RARB: variants seen among roughly 807,000 people sequenced by gnomAD.
The protein encoded by RARB is HBV-activated protein.
RARB carries 17 observed loss-of-function variants against 51.9 expected under a neutral mutation model. That is an observed-to-expected ratio of 0.33 (90% CI 0.22 to 0.49). The LOEUF (loss-of-function observed/expected upper bound fraction) is 0.49. Among genes scored for constraint, RARB ranks in the 20% least tolerant of loss-of-function variants. The pLI is 0.99. For missense variants in RARB, 369 were observed against 550.8 expected (o/e 0.67, Z 3.30); for synonymous variants, 215 against 195.4 (o/e 1.10, Z -0.84).
intron 2 of RARB, among the ~76,000 whole-genome samples, chr3:24,879,979 A>G (rs1703126812): frequency 7.4e-6 from 1 of 134,338 alleles, no homozygotes; most frequent in African/African-American, 3.0e-5. Context: ...CAAAGTCACG[A>G]AAACTGAAGC....
intron 1 of RARB, among the ~76,000 whole-genome samples, chr3:24,846,394 C>G (rs1702486209): frequency 6.6e-6 from 1 of 152,140 alleles, no homozygotes; most frequent in African/African-American, 2.4e-5. Context: ...TCCAGGAGAA[C>G]TGGTATCCAG....
intron 5 of RARB, among the ~76,000 whole-genome samples, chr3:25,325,738 T>A (rs17016205): frequency 0.04 from 5,907 of 149,348 alleles, 157 homozygotes; most frequent in Middle Eastern, 0.066. Context: ...TTTTTCCTGG[T>A]CATGGCCACT....
At chr3:25,319,877 G>A (rs1219135314) in intron 5 of RARB, among the ~76,000 whole-genome samples, 3 of 152,102 alleles carry the variant, frequency 2.0e-5, no homozygotes, top group Non-Finnish European at 4.4e-5. Flanking sequence ...TTGAAAAGGT[G>A]ATCTAGCCTA....
chr3:24,883,665 A>AT (rs888346672), intron 2 of RARB, among the ~76,000 whole-genome samples: 2 of 152,118 alleles, frequency 1.3e-5, no homozygotes, highest in African/African-American at 2.4e-5. Flanking sequence ...TAAGCCTTTC[A>AT]TTCCTGTTAA....
At chr3:25,405,646 A>C (rs145038781) in intron 5 of RARB, among the ~76,000 whole-genome samples, 1 of 152,232 alleles carries the variant, frequency 6.6e-6, no homozygotes, top group Non-Finnish European at 1.5e-5. Context: ...GTGGCAATTT[A>C]AATTTAAATG....
chr3:24,888,485 C>G (rs981004985), intron 2 of RARB, among the ~76,000 whole-genome samples: 14 of 151,312 alleles, frequency 9.3e-5, no homozygotes, highest in Non-Finnish European at 8.8e-5. Flanking sequence ...AGCTTTTATT[C>G]TTAATGATCA....
intron 5 of RARB, among the ~76,000 whole-genome samples, chr3:25,295,606 C>T (rs977143926): frequency 4.6e-5 from 7 of 152,208 alleles, no homozygotes; most frequent in Non-Finnish European, 1.0e-4. Flanking sequence ...GTCCCAGCCT[C>T]ATGACACTTT....
intron 3 of RARB, among the ~76,000 whole-genome samples, chr3:25,067,452 A>G (rs973030930): frequency 7.2e-5 from 11 of 152,218 alleles, no homozygotes; most frequent in African/African-American, 2.7e-4. Context: ...GTGATGCAGG[A>G]AAGAAACCAG....
In RARB at chr3:25,327,053, T is replaced by C. The variant is rs1415990153; in HGVS notation, c.179-134140T>C. Among the ~76,000 whole-genome samples the C allele has an allele frequency of 2.0e-5, 3 of 152,094 alleles. No homozygotes were observed. In the South Asian group the frequency reaches 6.2e-4, roughly 32 times the overall value. ...CCCTTCCTGTGTCCATGTGTTCTCATTGTTCAATTCCCACCTATAAGTGAG... is the reference window on the plus strand; with the variant it reads ...CCCTTCCTGTGTCCATGTGTTCTCACTGTTCAATTCCCACCTATAAGTGAG... On this transcript the variant is annotated intron_variant, in intron 5 of 11. Transcript: ENST00000383772.
chr3:24,987,627 G>T (rs561467060), intron 2 of RARB, among the ~76,000 whole-genome samples: 3 of 152,258 alleles, frequency 2.0e-5, no homozygotes, highest in South Asian at 4.1e-4. Context: ...ACCACTAATG[G>T]CCCGGTTTTA....
intron 2 of RARB, among the ~76,000 whole-genome samples, chr3:24,909,868 T>C (rs935891270): frequency 6.6e-6 from 1 of 152,180 alleles, no homozygotes; most frequent in South Asian, 2.1e-4. Flanking sequence ...TTAGCATAAA[T>C]GTCTATATTT....
chr3:24,889,758 A>G (rs1417492723), intron 2 of RARB, among the ~76,000 whole-genome samples: 1 of 150,536 alleles, frequency 6.6e-6, no homozygotes, highest in Non-Finnish European at 1.5e-5. Context: ...TTTTTAAAGT[A>G]TGTGAGTATG....
rs139267135 is a variant in RARB, at chr3:25,292,207, C to T, written c.178+117632C>T. On this transcript the variant is annotated intron_variant, in intron 5 of 11. Transcript: ENST00000383772. ...AATTAACAAAAATACAAAGACTGTT[C>T]TTCACTGCTGGCGATGCAGCGAGTT... 2.7e-3 allele frequency among the ~76,000 whole-genome samples: 415 copies of T among 152,278 alleles called. 1 individual carries two copies. Among genetic ancestry groups the T allele is most frequent in the African/African-American group, 9.7e-3 (403 of 41,548 alleles).
intron 5 of RARB, among the ~76,000 whole-genome samples, chr3:25,396,627 C>G (rs1230528546): frequency 6.6e-6 from 1 of 152,062 alleles, no homozygotes; most frequent in African/African-American, 2.4e-5. Flanking sequence ...TCTTCAGCTA[C>G]CAGGGCAGGT....
At chr3:24,982,895 T>C (rs1278457583) in intron 2 of RARB, among the ~76,000 whole-genome samples, 1 of 152,204 alleles carries the variant, frequency 6.6e-6, no homozygotes, top group Non-Finnish European at 1.5e-5. Context: ...ATATGTCCTA[T>C]GTCTTCATGA....
intron 5 of RARB, among the ~76,000 whole-genome samples, chr3:25,248,549 T>G (rs1034593784): frequency 6.6e-6 from 1 of 152,202 alleles, no homozygotes; most frequent in Non-Finnish European, 1.5e-5. Context: ...TTTTATACTT[T>G]TGTGAGTTTT....
At chr3:25,017,834 A>G (rs79145497) in intron 2 of RARB, among the ~76,000 whole-genome samples, 9,320 of 152,232 alleles carry the variant, frequency 0.061, 443 homozygotes, top group East Asian at 0.18. Flanking sequence ...ATATATTGAA[A>G]GCTAATCCCC....
At chr3:25,236,041 G>A (rs913594159) in intron 5 of RARB, among the ~76,000 whole-genome samples, 2 of 152,030 alleles carry the variant, frequency 1.3e-5, no homozygotes, top group East Asian at 3.9e-4. Context: ...TTATTTCAGA[G>A]GATCTTTTAA....
intron 2 of RARB, among the ~76,000 whole-genome samples, chr3:24,879,192 G>A (rs1342328792): frequency 6.6e-6 from 1 of 152,080 alleles, no homozygotes; most frequent in Non-Finnish European, 1.5e-5. Flanking sequence ...CACTTTGGGA[G>A]GCCGCGGCCG....
Sources: allele counts gnomAD v4.1 joint callset (sites outside exome capture counted in the v4.1 genomes callset), GRCh38; gene constraint gnomAD v4.1.1; transcripts MANE v1.5; gene names NCBI Gene and HGNC (gene_info 2026-07-23, HGNC 2026-07-21).